CALCR: variants seen among roughly 807,000 people sequenced by gnomAD.
The protein encoded by CALCR is calcitonin receptor.
A neutral mutation model predicts 59.5 loss-of-function variants in CALCR; 47 were observed. That is an observed-to-expected ratio of 0.79 (90% CI 0.63 to 1.01). The LOEUF is 1.01. Ranked by LOEUF, CALCR falls within the 50% of genes least tolerant of loss-of-function variation. The pLI is 0.00. For missense variants in CALCR, 566 were observed against 597.1 expected, an observed-to-expected ratio of 0.95 and a Z score of 0.54; for synonymous variants, 213 against 211.3, an observed-to-expected ratio of 1.01 and a Z score of -0.07.
At chr7:93,440,595 C>A (rs1799880879) in intron 9 of CALCR, among the ~76,000 whole-genome samples, 1 of 151,696 alleles carries the variant, frequency 6.6e-6, no homozygotes, top group South Asian at 2.1e-4. Flanking sequence ...CTTTGGCATG[C>A]TAAAAACATT....
At chr7:93,430,804 C>T (rs2115666566) in intron 13 of CALCR, among the ~76,000 whole-genome samples, 1 of 152,164 alleles carries the variant, frequency 6.6e-6, no homozygotes, top group South Asian at 2.1e-4. Context: ...CCAAGCAATC[C>T]CTGGTTTCAG....
At chr7:93,534,824 G>A (rs1207477324) in intron 2 of CALCR, among the ~76,000 whole-genome samples, 1 of 151,674 alleles carries the variant, frequency 6.6e-6, no homozygotes, top group Non-Finnish European at 1.5e-5. Context: ...AGTCCAGAGA[G>A]CTAGTGTTTA....
chr7:93,552,155 C>G (rs1326642410), intron 2 of CALCR, among the ~76,000 whole-genome samples: 2 of 152,120 alleles, frequency 1.3e-5, no homozygotes, highest in African/African-American at 2.4e-5. Flanking sequence ...GCTGAGTGAT[C>G]TTGGGCATTG....
intron 2 of CALCR, among the ~76,000 whole-genome samples, chr7:93,508,359 A>G (rs1801473066): frequency 6.6e-6 from 1 of 152,250 alleles, no homozygotes; most frequent in Non-Finnish European, 1.5e-5. Context: ...AACTGTGGCT[A>G]TCAGAGAGCA....
chr7:93,515,507 T>C (rs1801631900), intron 2 of CALCR, among the ~76,000 whole-genome samples: 1 of 152,090 alleles, frequency 6.6e-6, no homozygotes, highest in Non-Finnish European at 1.5e-5. Flanking sequence ...TAGTATTACT[T>C]TAGCTGTTAT....
intron 2 of CALCR, among the ~76,000 whole-genome samples, chr7:93,572,642 C>T (rs904107987): frequency 6.6e-6 from 1 of 152,100 alleles, no homozygotes; most frequent in African/African-American, 2.4e-5. Flanking sequence ...AACAGAATTG[C>T]CATGGCACAA....
At chr7:93,536,948 A>G (rs1440831523) in intron 2 of CALCR, among the ~76,000 whole-genome samples, 1 of 151,830 alleles carries the variant, frequency 6.6e-6, no homozygotes, top group Non-Finnish European at 1.5e-5. Context: ...ATTTTAGGGT[A>G]AAGTAGCACA....
chr7:93,500,318 T>C (rs781258594), intron 2 of CALCR, among the ~76,000 whole-genome samples: 11 of 151,962 alleles, frequency 7.2e-5, no homozygotes, highest in Non-Finnish European at 1.3e-4. Context: ...TAGTCACCTT[T>C]AACATTCTGT....
intron 5 of CALCR, among the ~76,000 whole-genome samples, chr7:93,474,181 G>T (rs1479183848): frequency 2.0e-5 from 3 of 151,652 alleles, no homozygotes; most frequent in Non-Finnish European, 2.9e-5. Flanking sequence ...TGGGTAAAGT[G>T]CATGAGGCTG....
intron 9 of CALCR, among the ~76,000 whole-genome samples, chr7:93,440,261 T>A (rs1490468786): frequency 6.6e-6 from 1 of 152,152 alleles, no homozygotes; most frequent in African/African-American, 2.4e-5. Context: ...CATACTGTCT[T>A]CATGTGAAAA....
At chr7:93,525,688 A>G (rs1456368027) in intron 2 of CALCR, among the ~76,000 whole-genome samples, 1 of 152,230 alleles carries the variant, frequency 6.6e-6, no homozygotes, top group Admixed American at 6.5e-5. Context: ...TTTAACAGTC[A>G]GTTAGAAACC....
At chr7:93,459,620 C>T (rs1233113970) in intron 8 of CALCR, among the ~76,000 whole-genome samples, 2 of 152,128 alleles carry the variant, frequency 1.3e-5, no homozygotes, top group African/African-American at 4.8e-5. Flanking sequence ...TCGGCTCCAC[C>T]TCATACCTAC....
intron 13 of CALCR, among the ~76,000 whole-genome samples, chr7:93,430,142 A>G (rs779101406): frequency 1.3e-5 from 2 of 151,840 alleles, no homozygotes; most frequent in Non-Finnish European, 2.9e-5. Flanking sequence ...TCACTGTGTT[A>G]GCCAGGATGG....
rs368464231 is a variant in CALCR, at chr7:93,443,634, G to A, written c.772C>T (p.Arg258Cys). 162 of 1,613,204 alleles carry A rather than the reference G, an allele frequency of 1.0e-4. 1 individual carries two copies. The highest frequency in any genetic ancestry group is 1.6e-4 in the Middle Eastern group (1 of 6,076). ...IVVAVFTEKQRLRWYYLLGWG... is the reference protein window; with the variant it reads ...IVVAVFTEKQCLRWYYLLGWG... ...CCCAAGAGATAATACCACCGCAAGC[G>A]TTGCTTCTCAGTAAACACAGCCACG... The change falls in exon 9 of 14, where the codon CGC (arginine) becomes TGC (cysteine). Residue 258 changes from arginine to cysteine, a missense_variant. Transcript: ENST00000426151.
At chr7:93,547,029 ACT>A (rs1439189701) in intron 2 of CALCR, among the ~76,000 whole-genome samples, 1 of 152,146 alleles carries the variant, frequency 6.6e-6, no homozygotes, top group Non-Finnish European at 1.5e-5. Flanking sequence ...CTCAGAAGGC[ACT>A]GAGAAGAAAG....
intron 6 of CALCR, among the ~76,000 whole-genome samples, chr7:93,469,815 A>G (rs1233933250): frequency 6.6e-6 from 1 of 151,758 alleles, no homozygotes; most frequent in African/African-American, 2.4e-5. Flanking sequence ...GTATGAATGC[A>G]AATGTAGTGT....
At chr7:93,553,531 AAGACACAGAGTGGGGTC>A (rs1789519713) in intron 2 of CALCR, among the ~76,000 whole-genome samples, 1 of 152,076 alleles carries the variant, frequency 6.6e-6, no homozygotes, top group South Asian at 2.1e-4. Context: ...ACAAATGGTA[AAGACACAGAGTGGGGTC>A]AGACTTCCTG....
At chr7:93,497,617 G>A (rs1801236385) in intron 2 of CALCR, among the ~76,000 whole-genome samples, 1 of 151,498 alleles carries the variant, frequency 6.6e-6, no homozygotes. Context: ...AGCTATTTCT[G>A]TTTTAACAAT....
intron 13 of CALCR, among the ~76,000 whole-genome samples, chr7:93,427,498 T>G (rs1464103500): frequency 6.6e-6 from 1 of 152,212 alleles, no homozygotes; most frequent in African/African-American, 2.4e-5. Context: ...CATAAAAATA[T>G]TTGCATCAAT....
Sources: gnomAD v4.1 joint callset for allele counts (sites outside exome capture counted in the v4.1 genomes callset) on GRCh38, gnomAD v4.1.1 for gene constraint, MANE v1.5 for transcripts, NCBI Gene and HGNC (gene_info 2026-07-23, HGNC 2026-07-21) for gene names.